The following LLGL2 variants were observed in gnomAD, a reference collection of about 807,000 sequenced individuals.
LLGL2 encodes the protein LLGL scribble cell polarity complex component 2, also known as LLGL2, scribble cell polarity complex component.
Under a neutral mutation model 123.2 loss-of-function variants are expected in LLGL2, and 81 were observed. The ratio of observed to expected loss-of-function variants is 0.66; its 90% CI spans 0.55 to 0.79. The LOEUF is 0.79. Ranked by LOEUF, LLGL2 falls within the 30% of genes least tolerant of loss-of-function variation. The probability of loss-of-function intolerance (pLI) is 0.00; values close to 1 mark genes in which losing one functional copy is unlikely to be tolerated. For synonymous variants in LLGL2, 577 were observed against 594.1 expected (o/e 0.97, Z 0.42); for missense variants, 1,273 against 1,414.6 (o/e 0.90, Z 1.61).
chr17:75,554,910 G>T (rs1432460438), intron 2 of LLGL2, among the ~76,000 whole-genome samples: 2 of 149,336 alleles, frequency 1.3e-5, no homozygotes, highest in African/African-American at 4.9e-5. Context: ...AAAATTTTTG[G>T]CTGGGTGCGG....
At chr17:75,560,826 A>AC (rs1303989828) in intron 6 of LLGL2, among the ~76,000 whole-genome samples, 8 of 98,030 alleles carry the variant, frequency 8.2e-5, no homozygotes, top group East Asian at 6.7e-4. Flanking sequence ...AAAAAAAAAA[A>AC]AAAAAACAAA....
chr17:75,533,078 C>T (rs1457717186), intron 1 of LLGL2, among the ~76,000 whole-genome samples: 1 of 151,938 alleles, frequency 6.6e-6, no homozygotes, highest in Non-Finnish European at 1.5e-5. Flanking sequence ...CGGCTCACTG[C>T]AAGCTCTGCC....
intron 1 of LLGL2, among the ~76,000 whole-genome samples, chr17:75,537,809 CTTTT>C (rs563954111): frequency 1.5e-5 from 2 of 130,212 alleles, no homozygotes; most frequent in Non-Finnish European, 1.6e-5. Context: ...GGAAGGTGAC[CTTTT>C]TTTTTTTTTT....
chr17:75,551,592 A>G (rs1036797434), intron 2 of LLGL2, among the ~76,000 whole-genome samples: 1 of 152,142 alleles, frequency 6.6e-6, no homozygotes, highest in Non-Finnish European at 1.5e-5. Context: ...TCTGAGTTAG[A>G]GGAAAGATGC....
intron 2 of LLGL2, among the ~76,000 whole-genome samples, chr17:75,552,317 C>T (rs564122278): frequency 3.3e-5 from 5 of 151,642 alleles, no homozygotes; most frequent in Admixed American, 1.3e-4. Flanking sequence ...GGTGAAACCC[C>T]GTCTCTACTA....
At position 75,563,153 on chromosome 17, in the gene LLGL2, T is replaced by G. The variant is rs553982764; in HGVS notation, c.668T>G (p.Val223Gly). 2.5e-6 allele frequency: 4 copies of G among 1,613,128 alleles called. No homozygotes were observed. Among genetic ancestry groups the G allele is most frequent in the South Asian group, 2.2e-5 (2 of 91,092 alleles). Reference protein sequence around the residue: ...VVIWDLQGSRVLYHFLSSQQL... With the variant: ...VVIWDLQGSRGLYHFLSSQQL... The stretch of plus-strand genomic sequence containing the variant: ...ATCTGGGACCTACAGGGCAGCCGCG[T>G]GCTCTACCACTTCCTCAGCAGCCAG... Residue 223 changes from valine to glycine, a missense_variant, in exon 7 of 26, where the codon GTG (valine) becomes GGG (glycine). Physicochemically the swap from Val to Gly is moderately radical, Grantham distance 109. Coordinates refer to ENST00000392550, the MANE Select transcript of LLGL2 (RefSeq NM_001031803.2).
intron 1 of LLGL2, among the ~76,000 whole-genome samples, chr17:75,536,389 G>A (rs1185050238): frequency 6.6e-6 from 1 of 152,166 alleles, no homozygotes; most frequent in Non-Finnish European, 1.5e-5. Context: ...TAAAGCCTCG[G>A]GACGATGGAA....
chr17:75,534,424 G>A (rs980026394), intron 1 of LLGL2, among the ~76,000 whole-genome samples: 2 of 152,250 alleles, frequency 1.3e-5, no homozygotes, highest in African/African-American at 4.8e-5. Context: ...TGGGAGAGAG[G>A]CCTGACCTGA....
intron 1 of LLGL2, among the ~76,000 whole-genome samples, chr17:75,529,863 CTAATAA>C (rs1157509635): frequency 1.3e-5 from 2 of 151,888 alleles, no homozygotes; most frequent in Non-Finnish European, 1.5e-5. Flanking sequence ...CCGTCTCAAA[CTAATAA>C]TAATAATAAT....
intron 1 of LLGL2, among the ~76,000 whole-genome samples, chr17:75,526,262 C>T: frequency 6.6e-6 from 1 of 152,056 alleles, no homozygotes; most frequent in African/African-American, 2.4e-5. Flanking sequence ...GCGGCTTAGC[C>T]CCTGCCCCTG....
At chr17:75,553,321 C>T (rs998652563) in intron 2 of LLGL2, among the ~76,000 whole-genome samples, 8 of 152,204 alleles carry the variant, frequency 5.3e-5, no homozygotes, top group African/African-American at 1.9e-4. Flanking sequence ...CTGAGGCACC[C>T]CCCGTCTCCC....
intron 1 of LLGL2, among the ~76,000 whole-genome samples, chr17:75,534,062 G>A (rs2032773526): frequency 6.6e-6 from 1 of 152,278 alleles, no homozygotes; most frequent in Admixed American, 6.5e-5. Context: ...GGATGGGCTG[G>A]ATGGCCTGCC....
At position 75,568,581 on chromosome 17, in the gene LLGL2, C is replaced by T. The variant is rs1467163232; in HGVS notation, c.1142C>T (p.Ser381Phe). 6.2e-7 allele frequency: 1 copy of T among 1,613,874 alleles called. No individual in the cohort carries two copies. Among genetic ancestry groups the T allele is most frequent in the East Asian group, 2.2e-5 (1 of 44,894 alleles). Residue 381 changes from serine to phenylalanine, a missense_variant, in exon 11 of 26, where the codon TCT (serine) becomes TTT (phenylalanine). Transcript: ENST00000392550. The stretch of plus-strand genomic sequence containing the variant: ...CCGGTCCAGCTGCCCTACCTGGCTT[C>T]TCTGCACTGTTCCGCCATCACCTGC... ...WPPVQLPYLASLHCSAITCSH... is the reference protein window; with the variant it reads ...WPPVQLPYLAFLHCSAITCSH...
At chr17:75,533,003 CT>C (rs2053859263) in intron 1 of LLGL2, among the ~76,000 whole-genome samples, 1 of 151,474 alleles carries the variant, frequency 6.6e-6, no homozygotes, top group South Asian at 2.1e-4. Flanking sequence ...CATTCAAGTA[CT>C]TTTTTTTTCT....
At chr17:75,573,748 C>T in intron 21 of LLGL2, 117 bp downstream of exon 21, 4 of 1,267,964 alleles carry the variant, frequency 3.2e-6, no homozygotes, top group Non-Finnish European at 4.4e-6. Flanking sequence ...CTCAGCCCAC[C>T]CTCCCAGGCT....
At chr17:75,567,677 C>T (rs762084243) in intron 10 of LLGL2, among the ~76,000 whole-genome samples, 1 of 151,412 alleles carries the variant, frequency 6.6e-6, no homozygotes, top group Non-Finnish European at 1.5e-5. Flanking sequence ...CACAGTGGCT[C>T]ATGCCTGTAA....
chr17:75,567,638 C>CA (rs929414669), intron 10 of LLGL2, among the ~76,000 whole-genome samples: 189 of 142,912 alleles, frequency 1.3e-3, no homozygotes, highest in Middle Eastern at 3.6e-3. Context: ...GACTCCATCT[C>CA]AAAAAAAAAA....
At chr17:75,573,338 G>A in intron 20 of LLGL2, 60 bp downstream of exon 20, 1 of 1,560,548 alleles carries the variant, frequency 6.4e-7, no homozygotes, top group Admixed American at 1.7e-5. Flanking sequence ...CGGGAAGGGT[G>A]GCCAGGGGTG....
Position 75,559,343 on chromosome 17 carries a change from G to C in LLGL2, c.463G>C (p.Val155Leu). The C allele has an allele frequency of 6.2e-7, 1 of 1,613,602 alleles. No individual in the cohort carries two copies. The highest frequency in any genetic ancestry group is 8.5e-7 in the Non-Finnish European group (1 of 1,179,970). The change falls in exon 6 of 26, where the codon GTG (valine) becomes CTG (leucine). Residue 155 changes from valine (V) to leucine (L), a missense_variant. Transcript: ENST00000392550. The surrounding 1 kb of genome is among the most constrained non-coding windows in gnomAD (Gnocchi z 4.6). Reference protein sequence around the residue: ...YLGTESGNVFVVQLPAFRALE... With the variant: ...YLGTESGNVFLVQLPAFRALE... ...GGGCACCGAGAGTGGCAACGTGTTTGTGGTGCAGCTGCCAGCTTTTCGTGC... is the reference window on the plus strand; with the variant it reads ...GGGCACCGAGAGTGGCAACGTGTTTCTGGTGCAGCTGCCAGCTTTTCGTGC...
Sources: gnomAD v4.1 joint callset for allele counts (sites outside exome capture counted in the v4.1 genomes callset) on GRCh38, gnomAD v4.1.1 for gene constraint, Gnocchi (gnomAD v3.1) non-coding constraint, MANE v1.5 for transcripts, NCBI Gene and HGNC (gene_info 2026-07-23, HGNC 2026-07-21) for gene names.